Variants in CNTNAP2 observed in about 807,000 individuals in gnomAD.
CNTNAP2 encodes contactin associated protein 2, also known as contactin-associated protein-like 2.
A neutral mutation model predicts 155.2 loss-of-function variants in CNTNAP2; 98 were observed. That is an observed-to-expected ratio of 0.63 (90% CI 0.54 to 0.75). The LOEUF (loss-of-function observed/expected upper bound fraction) is 0.75. CNTNAP2 is among the 30% of genes least tolerant of loss of function. The pLI is 0.00. For missense variants in CNTNAP2, 1,727 were observed against 1,688.1 expected, an observed-to-expected ratio of 1.02 and a Z score of -0.40; for synonymous variants, 651 against 631.2, an observed-to-expected ratio of 1.03 and a Z score of -0.47.
Position 146,151,564 on chromosome 7 carries a change from G to A in CNTNAP2, c.97+34591G>A, listed in dbSNP as rs186475235. On this transcript the variant is annotated intron_variant, in intron 1 of 23. Coordinates refer to ENST00000361727, the MANE Select transcript of CNTNAP2 (RefSeq NM_014141.6). ...GGCTAATCTGTGTGTTCATTGAAGC[G>A]TTATTTGCAATAGCCAAAATATCGA... 8.0e-4 allele frequency among the ~76,000 whole-genome samples: 115 copies of A among 144,326 alleles called. 1 individual carries two copies. Among genetic ancestry groups the A allele is most frequent in the Non-Finnish European group, 3.3e-4 (22 of 66,296 alleles). The allele number at this position is 144,326 out of a possible 152,430, so 94.7% of individuals were successfully genotyped here.
chr7:147,352,933 G>T (rs989719718), intron 9 of CNTNAP2, among the ~76,000 whole-genome samples: 2 of 151,722 alleles, frequency 1.3e-5, no homozygotes, highest in Non-Finnish European at 2.9e-5. Context: ...ACTAAGTAAA[G>T]TTAGTAAAGT....
At chr7:146,194,083 C>T (rs1562985214) in intron 1 of CNTNAP2, among the ~76,000 whole-genome samples, 2 of 152,192 alleles carry the variant, frequency 1.3e-5, no homozygotes, top group African/African-American at 2.4e-5. Flanking sequence ...AGCCATTCAA[C>T]GAGTCTCTAG....
At chr7:146,488,713 C>T (rs116410957) in intron 1 of CNTNAP2, among the ~76,000 whole-genome samples, 2 of 152,084 alleles carry the variant, frequency 1.3e-5, no homozygotes, top group Non-Finnish European at 2.9e-5. Flanking sequence ...CTTGCAGCTT[C>T]GACCTCCCAG....
At chr7:147,317,469 A>G (rs1480447175) in intron 9 of CNTNAP2, among the ~76,000 whole-genome samples, 2 of 152,172 alleles carry the variant, frequency 1.3e-5, no homozygotes, top group African/African-American at 4.8e-5. Context: ...CACCAGCATC[A>G]TGTTGGCCTT....
intron 8 of CNTNAP2, among the ~76,000 whole-genome samples, chr7:147,170,238 G>C (rs554158611): frequency 1.3e-5 from 2 of 152,174 alleles, no homozygotes; most frequent in South Asian, 4.1e-4. Context: ...TGTAGTTTGG[G>C]GTGCAATCCG....
intron 2 of CNTNAP2, among the ~76,000 whole-genome samples, chr7:146,829,998 G>T (rs1193896838): frequency 6.6e-6 from 1 of 151,768 alleles, no homozygotes; most frequent in Non-Finnish European, 1.5e-5. Context: ...TTGATTTGTG[G>T]GGCTTGTTTA....
intron 3 of CNTNAP2, among the ~76,000 whole-genome samples, chr7:146,911,324 A>G (rs1796271024): frequency 6.6e-6 from 1 of 152,160 alleles, no homozygotes. Context: ...CCAAAGGACT[A>G]TAAATCATGC....
At chr7:148,350,467 A>C (rs1425841504) in intron 21 of CNTNAP2, among the ~76,000 whole-genome samples, 1 of 152,196 alleles carries the variant, frequency 6.6e-6, no homozygotes, top group Admixed American at 6.5e-5. Flanking sequence ...ATGCGTAGTA[A>C]ACAATGTGTA....
chr7:148,285,973 T>C lies in CNTNAP2; in HGVS notation c.3475+18847T>C, dbSNP rs1797074639. Among the ~76,000 whole-genome samples, 4 of 152,242 alleles carry C rather than the reference T, an allele frequency of 2.6e-5. No individual in the cohort carries two copies. In the South Asian group the frequency reaches 8.3e-4, roughly 31 times the overall value. ...AAAGACATATTTTGTATATGTATTA[T>C]ATACTGTATTCTTATAATAAATTAA... On this transcript the variant is annotated intron_variant, in intron 21 of 23. Coordinates refer to ENST00000361727, the MANE Select transcript of CNTNAP2 (RefSeq NM_014141.6).
chr7:146,748,394 C>T (rs1337934263), intron 1 of CNTNAP2, among the ~76,000 whole-genome samples: 1 of 152,048 alleles, frequency 6.6e-6, no homozygotes, highest in Non-Finnish European at 1.5e-5. Context: ...ATCCGCCCTC[C>T]TTGGCCTCCC....
chr7:148,040,539 G>A (rs2710143), intron 15 of CNTNAP2, among the ~76,000 whole-genome samples: 54,406 of 152,124 alleles, frequency 0.36, 10,460 homozygotes, highest in East Asian at 0.75. Context: ...AATCATTTCA[G>A]TAGATGTTGA....
intron 6 of CNTNAP2, chr7:147,121,416 G>T: frequency 5.1e-6 from 2 of 393,472 alleles, no homozygotes; most frequent in Non-Finnish European, 9.3e-6. Flanking sequence ...ATGCTATCCA[G>T]GCCATTTAAT....
intron 20 of CNTNAP2, among the ~76,000 whole-genome samples, chr7:148,239,741 A>C (rs1534703): frequency 0.72 from 109,036 of 152,086 alleles, 40,261 homozygotes; most frequent in East Asian, 0.95. Flanking sequence ...GTACCTTCAA[A>C]CCAGCTTGAA....
At chr7:147,561,786 A>G (rs1373734906) in intron 11 of CNTNAP2, among the ~76,000 whole-genome samples, 3 of 152,180 alleles carry the variant, frequency 2.0e-5, no homozygotes, top group African/African-American at 4.8e-5. Flanking sequence ...AGCAGCCAAT[A>G]TAAGTTTTTT....
At chr7:146,610,809 A>T in intron 1 of CNTNAP2, among the ~76,000 whole-genome samples, 1 of 152,156 alleles carries the variant, frequency 6.6e-6, no homozygotes, top group East Asian at 1.9e-4. Flanking sequence ...CCTATCCTGA[A>T]TTGGAATATG....
chr7:147,353,169 T>C (rs2116882108), intron 9 of CNTNAP2, among the ~76,000 whole-genome samples: 1 of 150,192 alleles, frequency 6.7e-6, no homozygotes, highest in South Asian at 2.1e-4. Context: ...ATATGTATAC[T>C]TTAAGTTCTG....
chr7:147,207,810 T>A (rs1399373880), intron 8 of CNTNAP2, among the ~76,000 whole-genome samples: 1 of 152,124 alleles, frequency 6.6e-6, no homozygotes, highest in Non-Finnish European at 1.5e-5. Flanking sequence ...GGTTTTGTAA[T>A]AACCAGGTGA....
chr7:146,875,911 C>CAA (rs1795412099), intron 3 of CNTNAP2, among the ~76,000 whole-genome samples: 1 of 116,860 alleles, frequency 8.6e-6, no homozygotes, highest in East Asian at 2.7e-4. Context: ...CACACGCACA[C>CAA]ACACACACAC....
At chr7:146,173,168 G>A (rs1318940770) in intron 1 of CNTNAP2, among the ~76,000 whole-genome samples, 1 of 152,102 alleles carries the variant, frequency 6.6e-6, no homozygotes, top group Non-Finnish European at 1.5e-5. Flanking sequence ...TGAATTACGT[G>A]CAGAGAACTT....
Sources: allele counts gnomAD v4.1 joint callset (sites outside exome capture counted in the v4.1 genomes callset), GRCh38; gene constraint gnomAD v4.1.1; transcripts MANE v1.5; gene names NCBI Gene and HGNC (gene_info 2026-07-23, HGNC 2026-07-21).